SNAP25: variants seen among roughly 807,000 people sequenced by gnomAD.
SNAP25 encodes synaptosome associated protein 25.
A neutral mutation model predicts 28.7 loss-of-function variants in SNAP25; 3 were observed. That is an observed-to-expected ratio of 0.10 (90% CI 0.05 to 0.27). SNAP25 has a LOEUF of 0.27. Among genes scored for constraint, SNAP25 ranks in the 10% least tolerant of loss-of-function variants. The pLI, the probability that SNAP25 is intolerant of heterozygous loss-of-function variation, is 1.00. For synonymous variants in SNAP25, 61 were observed against 88.1 expected (o/e 0.69, Z 1.72); for missense variants, 117 against 278.7 (o/e 0.42, Z 4.13).
intron 7 of SNAP25, among the ~76,000 whole-genome samples, chr20:10,303,224 G>A (rs2046508203): frequency 6.6e-6 from 1 of 152,116 alleles, no homozygotes; most frequent in South Asian, 2.1e-4. Context: ...GAAAGGGAGG[G>A]CTTAAGAACC....
chr20:10,268,269 G>A (rs760490474), intron 1 of SNAP25, among the ~76,000 whole-genome samples: 7 of 152,114 alleles, frequency 4.6e-5, no homozygotes, highest in Non-Finnish European at 8.8e-5. Context: ...CAGAAAACAG[G>A]CAGGGTCTGC....
chr20:10,225,809 G>A (rs1026230194), intron 1 of SNAP25, among the ~76,000 whole-genome samples: 1 of 152,128 alleles, frequency 6.6e-6, no homozygotes, highest in Non-Finnish European at 1.5e-5. Flanking sequence ...ACTAGTCACA[G>A]ATCTTGAACT....
rs558599338 is a variant in SNAP25, at chr20:10,281,238, C to A, written c.115-3486C>A. Among the ~76,000 whole-genome samples, 3 of 152,204 alleles carry A rather than the reference C, an allele frequency of 2.0e-5. No homozygotes were observed. The South Asian group carries it at 6.2e-4, about 32-fold the overall frequency. The stretch of plus-strand genomic sequence containing the variant: ...TGAGCTTAGATAAAAATAGAACCAC[C>A]TCCTCACACTCCTAGCTACTAAAAC... On this transcript the variant is annotated intron_variant, in intron 3 of 7. Coordinates refer to ENST00000254976, the MANE Select transcript of SNAP25 (RefSeq NM_130811.4).
At chr20:10,242,161 C>T (rs1029787274) in intron 1 of SNAP25, among the ~76,000 whole-genome samples, 9 of 152,048 alleles carry the variant, frequency 5.9e-5, no homozygotes, top group South Asian at 2.1e-4. Flanking sequence ...AGAATGTATA[C>T]GCAAGTGAGG....
Position 10,287,623 on chromosome 20 carries a change from T to C in SNAP25, c.163+2851T>C, listed in dbSNP as rs895630609. Reference sequence around the variant, plus strand: ...TGGCGATTCCTCAGGGATCTAGAACTAGAAATACCATTTGACCCAGCCGTC... The same window carrying C: ...TGGCGATTCCTCAGGGATCTAGAACCAGAAATACCATTTGACCCAGCCGTC... On this transcript the variant is annotated intron_variant, in intron 4 of 7. Transcript: ENST00000254976. Among the ~76,000 whole-genome samples, 43 of 139,756 alleles carry C rather than the reference T, an allele frequency of 3.1e-4. 1 individual carries two copies. Among genetic ancestry groups the C allele is most frequent in the Non-Finnish European group, 4.4e-4 (29 of 65,366 alleles). 91.7% of individuals were successfully genotyped at this position (139,756 alleles called of 152,430 possible).
At chr20:10,247,087 T>C (rs2063142340) in intron 1 of SNAP25, among the ~76,000 whole-genome samples, 2 of 152,118 alleles carry the variant, frequency 1.3e-5, no homozygotes, top group African/African-American at 2.4e-5. Context: ...GATGGCCTCA[T>C]GCGTCCAGTT....
At position 10,254,350 on chromosome 20, in the gene SNAP25, A is replaced by T. The variant is rs539792485; in HGVS notation, c.-63-21079A>T. Among the ~76,000 whole-genome samples, 3 of 152,236 alleles carry T rather than the reference A, an allele frequency of 2.0e-5. No homozygotes were observed. In the South Asian group the frequency reaches 6.2e-4, roughly 32 times the overall value. The stretch of plus-strand genomic sequence containing the variant: ...TTAAGACTCCAGAGCTCCATGGAGG[A>T]TGATGCTGATGCTGGCACACCCCCC... On this transcript the variant is annotated intron_variant, in intron 1 of 7. Coordinates refer to ENST00000254976, the MANE Select transcript of SNAP25 (RefSeq NM_130811.4).
At chr20:10,292,821 A>G (rs2064027636) in intron 4 of SNAP25, 3 of 983,752 alleles carry the variant, frequency 3.0e-6, no homozygotes, top group Non-Finnish European at 4.7e-6. Context: ...GTCATTTCTC[A>G]TGTTCTGTTG....
intron 1 of SNAP25, among the ~76,000 whole-genome samples, chr20:10,225,378 C>T (rs185982411): frequency 3.4e-4 from 52 of 152,236 alleles, no homozygotes; most frequent in African/African-American, 1.1e-3. Flanking sequence ...CAGTGACTGA[C>T]TTACTGGTAA....
chr20:10,272,284 G>T (rs1169669983), intron 1 of SNAP25, among the ~76,000 whole-genome samples: 1 of 152,152 alleles, frequency 6.6e-6, no homozygotes, highest in Non-Finnish European at 1.5e-5. Context: ...GATTGGCATT[G>T]TTTGTCCTGT....
chr20:10,272,853 T>A (rs2063620946), intron 1 of SNAP25, among the ~76,000 whole-genome samples: 2 of 152,226 alleles, frequency 1.3e-5, no homozygotes. Context: ...ATTCCATATT[T>A]GTTGCTTTGC....
chr20:10,224,469 T>C (rs1183003260), intron 1 of SNAP25, among the ~76,000 whole-genome samples: 3 of 151,726 alleles, frequency 2.0e-5, no homozygotes, highest in East Asian at 1.9e-4. Flanking sequence ...GGCAGAATGA[T>C]AGAAGTGGAC....
intron 1 of SNAP25, among the ~76,000 whole-genome samples, chr20:10,247,053 A>T (rs1186863730): frequency 6.6e-6 from 1 of 152,192 alleles, no homozygotes; most frequent in Non-Finnish European, 1.5e-5. Context: ...CACAGATGTC[A>T]ACTATGGTGT....
rs912450125 is a variant in SNAP25, at chr20:10,232,417, A to G, written c.-64+13440A>G. Among the ~76,000 whole-genome samples the G allele has an allele frequency of 1.6e-4, 24 of 152,336 alleles. 1 individual carries two copies. Among genetic ancestry groups the G allele is most frequent in the Admixed American group, 1.3e-3 (20 of 15,300 alleles). On this transcript the variant is annotated intron_variant, in intron 1 of 7. Coordinates refer to ENST00000254976, the MANE Select transcript of SNAP25 (RefSeq NM_130811.4). The stretch of plus-strand genomic sequence containing the variant: ...AGTTGCAAAGCAGACACAGTAAGCC[A>G]TCTTTCCTTATTTTCTCCAAAAGGT...
rs2064380789 is a variant in SNAP25, at chr20:10,307,103, G to A, written c.*906G>A. The A allele has an allele frequency of 6.6e-6, 1 of 152,442 alleles. No homozygotes were observed. The highest frequency in any genetic ancestry group is 1.5e-5 in the Non-Finnish European group (1 of 68,024). 9.4% of individuals were successfully genotyped at this position (152,442 alleles called of 1,614,324 possible). On this transcript the variant is annotated 3_prime_UTR_variant, in exon 8 of 8. Coordinates refer to ENST00000254976, the MANE Select transcript of SNAP25 (RefSeq NM_130811.4). ...CTGCTTTTGATGGCTATGTTTTGGA[G>A]AGAGCAATCTTGCTGTGAAACAGTG... is the stretch of plus-strand genomic sequence containing the variant.
At chr20:10,221,212 G>A (rs1489098442) in intron 1 of SNAP25, among the ~76,000 whole-genome samples, 2 of 152,204 alleles carry the variant, frequency 1.3e-5, no homozygotes, top group Non-Finnish European at 2.9e-5. Context: ...TTGGACATTA[G>A]TAATTACTGC....
intron 1 of SNAP25, among the ~76,000 whole-genome samples, chr20:10,237,570 G>T (rs1376070803): frequency 6.6e-6 from 1 of 152,204 alleles, no homozygotes; most frequent in East Asian, 1.9e-4. Context: ...CACATTGATA[G>T]CTCGGACCTT....
intron 1 of SNAP25, among the ~76,000 whole-genome samples, chr20:10,256,335 A>C (rs2063318246): frequency 6.6e-6 from 1 of 152,244 alleles, no homozygotes; most frequent in Non-Finnish European, 1.5e-5. Context: ...AGAAAGAATG[A>C]ATTATTCAAT....
intron 1 of SNAP25, among the ~76,000 whole-genome samples, chr20:10,251,574 A>C (rs1600686892): frequency 6.6e-6 from 1 of 152,370 alleles, no homozygotes; most frequent in East Asian, 1.9e-4. Flanking sequence ...ATTAATAAGC[A>C]TGAGATCTGA....
Sources: allele counts gnomAD v4.1 joint callset (sites outside exome capture counted in the v4.1 genomes callset), GRCh38; gene constraint gnomAD v4.1.1; transcripts MANE v1.5; gene names NCBI Gene and HGNC (gene_info 2026-07-23, HGNC 2026-07-21).